Variants in RASA2 observed in about 807,000 individuals in gnomAD.
The protein encoded by RASA2 is ras GTPase-activating protein 2.
A neutral mutation model predicts 118.2 loss-of-function variants in RASA2; 155 were observed. The observed-to-expected ratio is 1.31, with a 90% CI of 1.15 to 1.50. The LOEUF is 1.50. RASA2 is among the 40% of genes most tolerant of loss of function. RASA2 has a pLI of 0.00. For synonymous variants in RASA2, 353 were observed against 349.1 expected, an observed-to-expected ratio of 1.01 and a Z score of -0.12; for missense variants, 1,016 against 1,009.6, an observed-to-expected ratio of 1.01 and a Z score of -0.09.
chr3:141,588,180 G>A (rs1297330746), intron 19 of RASA2, among the ~76,000 whole-genome samples: 1 of 152,164 alleles, frequency 6.6e-6, no homozygotes, highest in Non-Finnish European at 1.5e-5. Context: ...ACATAAATCA[G>A]CCTTATTTGT....
intron 5 of RASA2, among the ~76,000 whole-genome samples, chr3:141,549,017 A>C (rs937493925): frequency 6.6e-5 from 10 of 152,208 alleles, no homozygotes; most frequent in Non-Finnish European, 1.5e-4. Context: ...CAGGCCTCAC[A>C]TGGGCACTTA....
chr3:141,492,886 G>C (rs1456468555), intron 1 of RASA2, among the ~76,000 whole-genome samples: 3 of 152,210 alleles, frequency 2.0e-5, no homozygotes, highest in African/African-American at 7.2e-5. Flanking sequence ...CCACTGGACT[G>C]AAATGGGCCT....
At chr3:141,551,311 A>G (rs984655997) in intron 5 of RASA2, among the ~76,000 whole-genome samples, 1 of 152,214 alleles carries the variant, frequency 6.6e-6, no homozygotes, top group Non-Finnish European at 1.5e-5. Flanking sequence ...CCTACTATTA[A>G]GGCAGTACCC....
At chr3:141,593,387 C>A (rs2107784809) in intron 19 of RASA2, among the ~76,000 whole-genome samples, 1 of 152,104 alleles carries the variant, frequency 6.6e-6, no homozygotes, top group Middle Eastern at 3.4e-3. Context: ...TGAAAGCACT[C>A]CCAGTCTAGC....
intron 6 of RASA2, among the ~76,000 whole-genome samples, chr3:141,555,611 G>A (rs1041446967): frequency 7.3e-5 from 11 of 151,292 alleles, no homozygotes; most frequent in African/African-American, 1.9e-4. Flanking sequence ...TAGTGTGTCC[G>A]TAGAGAGAAT....
At chr3:141,537,141 G>A (rs946225594) in intron 4 of RASA2, among the ~76,000 whole-genome samples, 5 of 151,928 alleles carry the variant, frequency 3.3e-5, no homozygotes, top group African/African-American at 1.2e-4. Flanking sequence ...TCTTCTATCA[G>A]TTTTGGAAAA....
chr3:141,540,015 AG>A (rs1259975879), intron 4 of RASA2, among the ~76,000 whole-genome samples: 4 of 152,114 alleles, frequency 2.6e-5, no homozygotes, highest in Admixed American at 6.6e-5. Context: ...CCACTCCCAC[AG>A]TGCCTTCTGA....
intron 5 of RASA2, among the ~76,000 whole-genome samples, chr3:141,542,670 A>C (rs2082422019): frequency 6.6e-6 from 1 of 152,144 alleles, no homozygotes; most frequent in Admixed American, 6.5e-5. Flanking sequence ...ATGTATGTAT[A>C]TAGTTATAGA....
At chr3:141,505,776 G>T (rs1339539955) in intron 1 of RASA2, among the ~76,000 whole-genome samples, 1 of 150,312 alleles carries the variant, frequency 6.7e-6, no homozygotes, top group Non-Finnish European at 1.5e-5. Context: ...CTCTGTGTTT[G>T]TGTGTGTGTG....
chr3:141,589,014 A>G (rs560413333), intron 19 of RASA2, among the ~76,000 whole-genome samples: 1 of 151,804 alleles, frequency 6.6e-6, no homozygotes, highest in Non-Finnish European at 1.5e-5. Flanking sequence ...GCGAATTTTT[A>G]TATTTTTAGT....
At chr3:141,551,244 TACTTTTA>T (rs1284842383) in intron 5 of RASA2, among the ~76,000 whole-genome samples, 2 of 152,230 alleles carry the variant, frequency 1.3e-5, no homozygotes, top group Non-Finnish European at 2.9e-5. Context: ...TTTTGTGGTT[TACTTTTA>T]ACTTTTGTTA....
intron 19 of RASA2, among the ~76,000 whole-genome samples, chr3:141,604,373 A>G (rs1407584301): frequency 6.6e-6 from 1 of 151,894 alleles, no homozygotes; most frequent in Non-Finnish European, 1.5e-5. Flanking sequence ...TGACTATCCT[A>G]TTTTTACTTT....
At chr3:141,490,680 C>T (rs1460333769) in intron 1 of RASA2, among the ~76,000 whole-genome samples, 1 of 152,100 alleles carries the variant, frequency 6.6e-6, no homozygotes, top group East Asian at 1.9e-4. Context: ...CAAGAATAGC[C>T]TAGGGTTATT....
intron 5 of RASA2, among the ~76,000 whole-genome samples, chr3:141,546,409 G>A (rs2082486394): frequency 6.6e-6 from 1 of 152,178 alleles, no homozygotes; most frequent in Non-Finnish European, 1.5e-5. Flanking sequence ...TAATTTCATT[G>A]TAGTTTTGAT....
chr3:141,571,311 G>A (rs2082915610), intron 10 of RASA2, 95 bp from the exon 11 acceptor site: 4 of 1,475,204 alleles, frequency 2.7e-6, no homozygotes, highest in Non-Finnish European at 3.7e-6. Flanking sequence ...AACAGCTTTA[G>A]TGACATTATT....
chr3:141,515,892 C>CT (rs1369351234), intron 2 of RASA2, among the ~76,000 whole-genome samples: 3 of 132,640 alleles, frequency 2.3e-5, no homozygotes, highest in Non-Finnish European at 3.2e-5. Context: ...GAGCAAGACT[C>CT]TGTCTCAAAA....
rs113716839 is a variant in RASA2 at position 141,574,431 on chromosome 3, C to T, written c.1483+364C>T. Among the ~76,000 whole-genome samples the T allele has an allele frequency of 6.5e-3, 984 of 152,178 alleles. 13 individuals carry two copies. The highest frequency in any genetic ancestry group is 0.022 in the African/African-American group (931 of 41,522). On this transcript the variant is annotated intron_variant, in intron 14 of 23. Transcript: ENST00000286364. ...GTCTCGATCTCCTGAACTCGTGATC[C>T]GCCCGCCTCGGCCTCCCAAAGTTTC...
At chr3:141,510,519 CTGAATTAAAAA>C (rs2081935740) in intron 1 of RASA2, among the ~76,000 whole-genome samples, 1 of 152,122 alleles carries the variant, frequency 6.6e-6, no homozygotes, top group Admixed American at 6.5e-5. Flanking sequence ...AAAATAAACA[CTGAATTAAAAA>C]TGAACAGAAA....
At chr3:141,552,242 T>C (rs531287213) in intron 5 of RASA2, among the ~76,000 whole-genome samples, 20 of 152,284 alleles carry the variant, frequency 1.3e-4, no homozygotes, top group African/African-American at 4.6e-4. Flanking sequence ...AATAGAAAAT[T>C]GGATTTCTGT....
Sources: allele counts gnomAD v4.1 joint callset (sites outside exome capture counted in the v4.1 genomes callset), GRCh38; gene constraint gnomAD v4.1.1; transcripts MANE v1.5; gene names NCBI Gene and HGNC (gene_info 2026-07-23, HGNC 2026-07-21).